Variants in TMTC4 observed in about 807,000 individuals in gnomAD.
TMTC4 encodes transmembrane O-mannosyltransferase targeting cadherins 4.
Under a neutral mutation model 86.0 loss-of-function variants are expected in TMTC4, and 65 were observed. The observed-to-expected ratio is 0.76, with a 90% CI of 0.62 to 0.93. The LOEUF (loss-of-function observed/expected upper bound fraction) is 0.93, where lower values mean the gene tolerates loss of function less well. Among genes scored for constraint, TMTC4 ranks in the 40% least tolerant of loss-of-function variants. The pLI, the probability that TMTC4 is intolerant of heterozygous loss-of-function variation, is 0.00. For missense variants in TMTC4, 866 were observed against 948.1 expected, an observed-to-expected ratio of 0.91 and a Z score of 1.14; for synonymous variants, 379 against 382.5, an observed-to-expected ratio of 0.99 and a Z score of 0.11.
chr13:100,629,534 T>G (rs1447491553), intron 12 of TMTC4, among the ~76,000 whole-genome samples: 1 of 152,204 alleles, frequency 6.6e-6, no homozygotes, highest in African/African-American at 2.4e-5. Context: ...AAGCCTGTGT[T>G]TCTTCCCACT....
chr13:100,604,873 T>C lies in TMTC4; in HGVS notation c.*121A>G, dbSNP rs1209502914. 8.5e-6 allele frequency: 10 copies of C among 1,175,848 alleles called. No homozygotes were observed. Among genetic ancestry groups the C allele is most frequent in the Non-Finnish European group, 9.1e-6 (8 of 881,612 alleles). 72.8% of individuals were successfully genotyped at this position (1,175,848 alleles called of 1,614,324 possible). ...ATCTTTTTGCATGTCTTTGTTTTCA[T>C]AGAAAAAAATCAGTAAAATAACATG... On this transcript the variant is annotated 3_prime_UTR_variant, in exon 19 of 19. Coordinates refer to ENST00000342624, the MANE Select transcript of TMTC4 (RefSeq NM_032813.5).
chr13:100,650,628 C>G (rs181564043), intron 6 of TMTC4, among the ~76,000 whole-genome samples: 1 of 152,222 alleles, frequency 6.6e-6, no homozygotes, highest in Non-Finnish European at 1.5e-5. Context: ...AAAGCTGGAA[C>G]GACCAAGCCG....
chr13:100,674,842 C>G, upstream of TMTC4: 2 of 974,402 alleles, frequency 2.1e-6, no homozygotes, highest in Non-Finnish European at 2.4e-6. Context: ...AGGGGCCGCC[C>G]GCCGCGCACC....
intron 6 of TMTC4, 49 bp downstream of exon 6, chr13:100,656,332 C>T: frequency 6.5e-7 from 1 of 1,550,124 alleles, no homozygotes; most frequent in Non-Finnish European, 8.8e-7. Context: ...CTCAACAGGA[C>T]AAAAACATGA....
rs780636932 is a variant in TMTC4, at chr13:100,605,060, T to G, written c.2217A>C (p.Ser739=). 2.5e-6 allele frequency: 4 copies of G among 1,614,014 alleles called. No homozygotes were observed. In the African/African-American group the frequency reaches 5.3e-5, roughly 22 times the overall value. The change falls in exon 19 of 19, where the codon TCA becomes TCC. Residue 739 remains serine (S), a synonymous_variant. Coordinates refer to ENST00000342624, the MANE Select transcript of TMTC4 (RefSeq NM_032813.5). This position sits in a 1 kb window ranked among gnomAD's most constrained non-coding sequence, Gnocchi z 4.3. ...EISLQLDPTA[S]GTKENYGLLR... ...GCAGACCGTAATTCTCCTTAGTTCC[T>G]GATGCCGTGGGGTCAAGCTGCAAGG...
At chr13:100,668,904 G>A (rs866986940) in intron 2 of TMTC4, 110 bp from the exon 3 acceptor site, 11 of 1,113,902 alleles carry the variant, frequency 9.9e-6, no homozygotes, top group African/African-American at 9.4e-5. Flanking sequence ...GATTTTATAG[G>A]ATGTGATCAG....
At chr13:100,655,312 C>T (rs551037111) in intron 6 of TMTC4, among the ~76,000 whole-genome samples, 7 of 152,260 alleles carry the variant, frequency 4.6e-5, no homozygotes, top group East Asian at 3.9e-4. Flanking sequence ...CGTAAGCCAC[C>T]GCACCAGGCC....
chr13:100,668,952 C>G lies in TMTC4; in HGVS notation c.4-158G>C, dbSNP rs537753181. 3.9e-5 allele frequency among the ~76,000 whole-genome samples: 6 copies of G among 152,314 alleles called. No individual in the cohort carries two copies. In the East Asian group the frequency reaches 1.2e-3, roughly 29 times the overall value. ...GCTGTGCTTCCCAAACTTTAGTGGG[C>G]AGAAAAGTCACATGGGACACATGCA... is the stretch of plus-strand genomic sequence containing the variant. On this transcript the variant is annotated intron_variant, in intron 2 of 18. Coordinates refer to ENST00000342624, the MANE Select transcript of TMTC4 (RefSeq NM_032813.5).
intron 17 of TMTC4, among the ~76,000 whole-genome samples, chr13:100,607,514 C>T (rs1042834811): frequency 7.3e-5 from 10 of 136,472 alleles, no homozygotes; most frequent in Non-Finnish European, 1.6e-4. Context: ...AAGACTCTGT[C>T]TCAAAAAAAA....
At chr13:100,637,428 T>G in intron 9 of TMTC4, 110 bp downstream of exon 9, 3 of 1,367,266 alleles carry the variant, frequency 2.2e-6, no homozygotes, top group Non-Finnish European at 3.0e-6. Context: ...GGCGCGTGTA[T>G]TGGGGATTTT....
intron 6 of TMTC4, among the ~76,000 whole-genome samples, chr13:100,654,019 G>A (rs577697175): frequency 7.4e-4 from 112 of 152,320 alleles, no homozygotes; most frequent in African/African-American, 2.3e-3. Flanking sequence ...TTAAATGAAC[G>A]CTTTCCTTTT....
chr13:100,617,048 A>C (rs1878613391), intron 15 of TMTC4, among the ~76,000 whole-genome samples: 1 of 151,986 alleles, frequency 6.6e-6, no homozygotes, highest in Admixed American at 6.6e-5. Context: ...TTTTTGTTGC[A>C]ATTGCTTTTG....
Position 100,674,127 on chromosome 13 carries a change from CA to C in TMTC4, c.-208+616del. On this transcript the variant is annotated intron_variant, in intron 1 of 18. Transcript: ENST00000342624. ...GGCTGCGCCACCTGCTCGGCTTCCC[CA>C]AACTCCGAGCCCACGCCGGGAAGCG... 3.0e-6 allele frequency: 3 copies of C among 984,502 alleles called. No homozygotes were observed. In the South Asian group the frequency reaches 1.4e-4, roughly 46 times the overall value. 61.0% of individuals were successfully genotyped at this position (984,502 alleles called of 1,614,324 possible). A position where few individuals can be genotyped will look rare whatever the true frequency, so the allele number is the denominator to read the frequency against.
intron 6 of TMTC4, among the ~76,000 whole-genome samples, chr13:100,643,424 G>A (rs1439800811): frequency 6.6e-6 from 1 of 152,164 alleles, no homozygotes; most frequent in Non-Finnish European, 1.5e-5. Flanking sequence ...CACCTATAAC[G>A]TGGGGGCAAC....
intron 1 of TMTC4, among the ~76,000 whole-genome samples, chr13:100,673,500 A>G (rs930006013): frequency 2.0e-5 from 3 of 152,058 alleles, no homozygotes; most frequent in Non-Finnish European, 4.4e-5. Flanking sequence ...AGAGAACACA[A>G]TCGTTTGTGA....
At chr13:100,648,259 A>C (rs112753314) in intron 6 of TMTC4, among the ~76,000 whole-genome samples, 3,574 of 152,266 alleles carry the variant, frequency 0.023, 53 homozygotes, top group Non-Finnish European at 0.037. Flanking sequence ...TGAGTGCTTG[A>C]AATGTATCTA....
At chr13:100,660,347 A>C (rs1474683385) in intron 5 of TMTC4, among the ~76,000 whole-genome samples, 5 of 150,848 alleles carry the variant, frequency 3.3e-5, no homozygotes, top group Admixed American at 1.3e-4. Flanking sequence ...AAAAAAAAAA[A>C]AGAAAAGAAA....
Position 100,635,205 on chromosome 13 carries a change from GA to G in TMTC4, c.1203-11del. The G allele has an allele frequency of 6.4e-7, 1 of 1,561,640 alleles. No homozygotes were observed. Among genetic ancestry groups the G allele is most frequent in the Non-Finnish European group, 8.6e-7 (1 of 1,158,086 alleles). On this transcript the variant is annotated splice_polypyrimidine_tract_variant and intron_variant, in intron 10 of 18. Transcript: ENST00000342624. ...GCCCAGAGTAAGGATCCTGGATGATGAAAAGTATTTAAATAAATGGCTATTT... is the reference window on the plus strand; with the variant it reads ...GCCCAGAGTAAGGATCCTGGATGATGAAAGTATTTAAATAAATGGCTATTT...
At chr13:100,664,059 C>A (rs1298168) in intron 4 of TMTC4, among the ~76,000 whole-genome samples, 162 bp downstream of exon 4, 2 of 151,866 alleles carry the variant, frequency 1.3e-5, no homozygotes, top group African/African-American at 4.8e-5. Context: ...GCCACGCTGG[C>A]CTTCTCTGCA....
Sources: gnomAD v4.1 joint callset for allele counts (sites outside exome capture counted in the v4.1 genomes callset) on GRCh38, gnomAD v4.1.1 for gene constraint, Gnocchi (gnomAD v3.1) non-coding constraint, MANE v1.5 for transcripts, NCBI Gene and HGNC (gene_info 2026-07-23, HGNC 2026-07-21) for gene names.